Variants in R3HDM1 observed in about 807,000 individuals in gnomAD.
The protein encoded by R3HDM1 is R3H domain containing 1.
In R3HDM1, 46 loss-of-function variants were observed where a neutral mutation model predicts 141.1. The observed-to-expected ratio is 0.33, with a 90% confidence interval of 0.26 to 0.42. The LOEUF (loss-of-function observed/expected upper bound fraction) is 0.42, where lower values mean the gene tolerates loss of function less well. Among genes scored for constraint, R3HDM1 ranks in the 10% least tolerant of loss-of-function variants. The pLI is 1.00. For missense variants in R3HDM1, 1,184 were observed against 1,368.3 expected, an observed-to-expected ratio of 0.87 and a Z score of 2.12; for synonymous variants, 435 against 472.9, an observed-to-expected ratio of 0.92 and a Z score of 1.04.
intron 20 of R3HDM1, among the ~76,000 whole-genome samples, chr2:135,677,048 C>A (rs2069305118): frequency 6.6e-6 from 1 of 152,124 alleles, no homozygotes; most frequent in Non-Finnish European, 1.5e-5. Context: ...AAGTTAGAAA[C>A]CTTTAGCTCT....
chr2:135,654,290 C>T (rs1423874988), intron 18 of R3HDM1, among the ~76,000 whole-genome samples: 1 of 152,016 alleles, frequency 6.6e-6, no homozygotes, highest in Non-Finnish European at 1.5e-5. Context: ...CACATCGTAG[C>T]ATAGGCACAC....
intron 21 of R3HDM1, among the ~76,000 whole-genome samples, chr2:135,703,198 A>T (rs970796782): frequency 6.6e-6 from 1 of 152,246 alleles, no homozygotes. Flanking sequence ...TTAAGTACTT[A>T]AAAAGTTCAG....
chr2:135,696,512 G>A (rs10203264), intron 21 of R3HDM1, among the ~76,000 whole-genome samples: 1 of 152,170 alleles, frequency 6.6e-6, no homozygotes, highest in Non-Finnish European at 1.5e-5. Context: ...TTTTTTCTTA[G>A]AGACTGGTTC....
chr2:135,591,467 CTG>C (rs1709261357), intron 1 of R3HDM1, among the ~76,000 whole-genome samples: 1 of 152,180 alleles, frequency 6.6e-6, no homozygotes, highest in South Asian at 2.1e-4. Context: ...TTGCCAAAGT[CTG>C]TGTAAAGCAA....
intron 1 of R3HDM1, among the ~76,000 whole-genome samples, chr2:135,568,375 G>A (rs547709420): frequency 2.0e-5 from 3 of 150,046 alleles, no homozygotes; most frequent in African/African-American, 7.4e-5. Flanking sequence ...TTGAGGCGGA[G>A]TTTTGCCCTT....
At chr2:135,561,812 G>A (rs1209935268) in intron 1 of R3HDM1, among the ~76,000 whole-genome samples, 2 of 151,858 alleles carry the variant, frequency 1.3e-5, no homozygotes, top group Non-Finnish European at 2.9e-5. Flanking sequence ...CTACACAAGC[G>A]GTAAGAAGAT....
Position 135,540,293 on chromosome 2 carries a change from C to G in R3HDM1, c.-250+8660C>G, listed in dbSNP as rs949476320. Among the ~76,000 whole-genome samples, 5 of 152,176 alleles carry G rather than the reference C, an allele frequency of 3.3e-5. No homozygotes were observed. In the East Asian group the frequency reaches 9.6e-4, roughly 29 times the overall value. On this transcript the variant is annotated intron_variant, in intron 1 of 26. Transcript: ENST00000683871. ...ACTTTATCCAGGGTAGTCTTGAACC[C>G]CTCCAAGTCATCCATAAAGGTTGAA...
At chr2:135,606,987 G>GT (rs1247298532) in intron 3 of R3HDM1, among the ~76,000 whole-genome samples, 4 of 92,858 alleles carry the variant, frequency 4.3e-5, no homozygotes, top group Admixed American at 3.6e-4. Context: ...GGGGGGCGGG[G>GT]TTTTTTTGTT....
intron 1 of R3HDM1, among the ~76,000 whole-genome samples, chr2:135,545,264 C>G (rs1383529303): frequency 6.6e-6 from 1 of 152,106 alleles, no homozygotes; most frequent in African/African-American, 2.4e-5. Flanking sequence ...CTATATAAAG[C>G]AGAGAGTACT....
Position 135,649,937 on chromosome 2 carries a change from T to A in R3HDM1, c.1659T>A (p.Val553=), listed in dbSNP as rs1419905071. 2 of 1,296,330 alleles carry A rather than the reference T, an allele frequency of 1.5e-6. No individual in the cohort carries two copies. Among genetic ancestry groups the A allele is most frequent in the African/African-American group, 3.0e-5 (2 of 65,794 alleles). The allele number at this position is 1,296,330 out of a possible 1,614,324, so 80.3% of individuals were successfully genotyped here. A position where few individuals can be genotyped will look rare whatever the true frequency, so the allele number is the denominator to read the frequency against. ...CTCTGCAGTCCTCTTCACAGCCTGT[T>A]CAGTACTCTACAGCCCCTTACCCAT... ...VHPLQSSSQP[V]QYSTAPYPSP... is the part of the protein sequence containing the mutation. The change falls in exon 17 of 27, where the codon GTT becomes GTA. Residue 553 remains valine, a synonymous_variant. Transcript: ENST00000683871.
intron 1 of R3HDM1, chr2:135,531,852 T>G: frequency 2.0e-6 from 2 of 985,180 alleles, no homozygotes; most frequent in Non-Finnish European, 2.4e-6. Context: ...GGGTTCCGAG[T>G]GAGCCAGGCT....
At chr2:135,548,982 A>G (rs1326992793) in intron 1 of R3HDM1, among the ~76,000 whole-genome samples, 2 of 152,198 alleles carry the variant, frequency 1.3e-5, no homozygotes, top group Admixed American at 6.5e-5. Context: ...AATACTGTCA[A>G]ACGTTTTATG....
intron 19 of R3HDM1, among the ~76,000 whole-genome samples, chr2:135,664,603 G>A (rs2067221748): frequency 6.6e-6 from 1 of 152,170 alleles, no homozygotes; most frequent in Non-Finnish European, 1.5e-5. Flanking sequence ...GGAGGAGGAT[G>A]GGGAAATATC....
At chr2:135,586,024 T>C (rs887121608) in intron 1 of R3HDM1, among the ~76,000 whole-genome samples, 2 of 152,206 alleles carry the variant, frequency 1.3e-5, no homozygotes, top group Non-Finnish European at 2.9e-5. Context: ...AAAAATGATA[T>C]ATTAACCATA....
intron 1 of R3HDM1, among the ~76,000 whole-genome samples, chr2:135,546,118 T>G (rs923314306): frequency 7.2e-5 from 11 of 152,262 alleles, no homozygotes; most frequent in African/African-American, 2.7e-4. Context: ...GCTTGAACTA[T>G]TCTAGTGACA....
At chr2:135,545,850 T>C (rs1438305920) in intron 1 of R3HDM1, among the ~76,000 whole-genome samples, 1 of 152,204 alleles carries the variant, frequency 6.6e-6, no homozygotes, top group East Asian at 1.9e-4. Flanking sequence ...TAGTTTTTCT[T>C]AAACAAAAGT....
intron 1 of R3HDM1, among the ~76,000 whole-genome samples, chr2:135,555,569 A>C (rs1700595765): frequency 1.3e-5 from 2 of 152,226 alleles, no homozygotes; most frequent in Admixed American, 6.5e-5. Flanking sequence ...TCCTAGGTAT[A>C]TAACCAAGGG....
chr2:135,663,384 T>C (rs1396240153), intron 19 of R3HDM1, among the ~76,000 whole-genome samples: 2 of 151,344 alleles, frequency 1.3e-5, no homozygotes, highest in African/African-American at 2.5e-5. Flanking sequence ...GTTTGACTCT[T>C]ATGAGTCAGT....
chr2:135,709,813 C>A (rs570620843), intron 22 of R3HDM1, among the ~76,000 whole-genome samples: 1 of 152,296 alleles, frequency 6.6e-6, no homozygotes, highest in East Asian at 1.9e-4. Context: ...ACTCTTCCAG[C>A]TGTTCCTGTT....
Sources: gnomAD v4.1 joint callset for allele counts (sites outside exome capture counted in the v4.1 genomes callset) on GRCh38, gnomAD v4.1.1 for gene constraint, MANE v1.5 for transcripts, NCBI Gene and HGNC (gene_info 2026-07-23, HGNC 2026-07-21) for gene names.